IFI44L: variants seen among roughly 807,000 people sequenced by gnomAD.
The protein encoded by IFI44L is interferon induced protein 44 like.
IFI44L carries 40 observed loss-of-function variants against 39.3 expected under a neutral mutation model. The ratio of observed to expected loss-of-function variants is 1.02; its 90% CI spans 0.79 to 1.33. IFI44L has a LOEUF of 1.33. IFI44L is among the 40% of genes most tolerant of loss of function. IFI44L has a pLI of 0.00. For missense variants in IFI44L, 623 were observed against 549.0 expected (o/e 1.13, Z -1.35); for synonymous variants, 198 against 182.3 (o/e 1.09, Z -0.69).
rs1646997642 is a variant in IFI44L, at chr1:78,642,408, A to G, written c.*599A>G. On this transcript the variant is annotated 3_prime_UTR_variant, in exon 9 of 9. Transcript: ENST00000370751. ...GCAAAAAAAAAAAAAAAAAATAAGAAAGAACAAAACAAACCCCACAAAAAT... is the reference window on the plus strand; with the variant it reads ...GCAAAAAAAAAAAAAAAAAATAAGAGAGAACAAAACAAACCCCACAAAAAT... 1 of 151,468 alleles carries G rather than the reference A, an allele frequency of 6.6e-6. No individual in the cohort carries two copies. The highest frequency in any genetic ancestry group is 2.4e-5 in the African/African-American group (1 of 41,210). The allele number at this position is 151,468 out of a possible 1,614,324, so 9.4% of individuals were successfully genotyped here. A position where few individuals can be genotyped will look rare whatever the true frequency, so the allele number is the denominator to read the frequency against.
intron 3 of IFI44L, among the ~76,000 whole-genome samples, chr1:78,629,354 G>T (rs1652653116): frequency 6.6e-6 from 1 of 152,000 alleles, no homozygotes; most frequent in African/African-American, 2.4e-5. Flanking sequence ...TAGCTACATT[G>T]CATATATTTT....
intron 4 of IFI44L, among the ~76,000 whole-genome samples, chr1:78,632,722 T>G (rs1652799258): frequency 6.6e-6 from 1 of 152,198 alleles, no homozygotes; most frequent in Non-Finnish European, 1.5e-5. Flanking sequence ...AGGCCATATT[T>G]TCTTCACATA....
chr1:78,632,686 C>A, intron 4 of IFI44L, among the ~76,000 whole-genome samples: 1 of 152,186 alleles, frequency 6.6e-6, no homozygotes, highest in East Asian at 1.9e-4. Context: ...ATATTACCTC[C>A]TTTTCATATT....
intron 1 of IFI44L, among the ~76,000 whole-genome samples, chr1:78,621,311 G>T (rs368607307): frequency 1.3e-5 from 2 of 152,034 alleles, no homozygotes; most frequent in East Asian, 3.9e-4. Flanking sequence ...TCACTCTATT[G>T]CCCAGGCTGG....
chr1:78,637,584 T>G (rs1474787436), intron 6 of IFI44L, among the ~76,000 whole-genome samples: 3 of 152,142 alleles, frequency 2.0e-5, no homozygotes, highest in Non-Finnish European at 4.4e-5. Flanking sequence ...AACCAAATAT[T>G]ACATCACTTT....
Position 78,635,505 on chromosome 1 carries a change from T to C in IFI44L, c.876+16T>C, listed in dbSNP as rs961358206. The C allele has an allele frequency of 1.9e-6, 3 of 1,600,006 alleles. No individual in the cohort carries two copies. The highest frequency in any genetic ancestry group is 1.8e-5 in the Admixed American group (1 of 56,410). ...CAGATATCAGGTAAGATTTCTTCAA[T>C]ATCCAAAACATTTCAAATCATTTTC... On this transcript the variant is annotated intron_variant, in intron 5 of 8. Coordinates refer to ENST00000370751, the MANE Select transcript of IFI44L (RefSeq NM_006820.4).
At chr1:78,641,372 A>T in intron 7 of IFI44L, 63 bp from the exon 8 acceptor site, 3 of 1,462,992 alleles carry the variant, frequency 2.1e-6, no homozygotes, top group Non-Finnish European at 2.8e-6. Flanking sequence ...AATTGTATTT[A>T]AAATTGGTCA....
At chr1:78,622,279 A>T (rs1465673308) in intron 1 of IFI44L, among the ~76,000 whole-genome samples, 1 of 152,118 alleles carries the variant, frequency 6.6e-6, no homozygotes, top group Non-Finnish European at 1.5e-5. Flanking sequence ...TTTATAGCTA[A>T]ATAGTATTCC....
rs377166639 is a variant in IFI44L at position 78,641,603 on chromosome 1, G to A, written c.1318G>A (p.Glu440Lys). The A allele has an allele frequency of 6.2e-6, 10 of 1,613,262 alleles. No individual in the cohort carries two copies. The African/African-American group carries it at 1.1e-4, about 17-fold the overall frequency. ...DDFLEDLPLE[E>K]TGAIERALQP... ...TTTTTTAGAAGATTTGCCTCTTGAG[G>A]AAACTGGTAATCTGGCCCTTTTCTC... Residue 440 changes from glutamate to lysine, a missense_variant, in exon 8 of 9, where the codon GAA becomes AAA. By Grantham distance (56) the Glu-to-Lys change is moderately conservative. Transcript: ENST00000370751.
rs1301010868 is a variant in IFI44L, at chr1:78,643,325, G to A, written c.*1516G>A. 1 of 152,006 alleles carries A rather than the reference G, an allele frequency of 6.6e-6. No individual in the cohort carries two copies. Among genetic ancestry groups the A allele is most frequent in the Non-Finnish European group, 1.5e-5 (1 of 68,006 alleles). 9.4% of individuals were successfully genotyped at this position (152,006 alleles called of 1,614,324 possible). ...AGGTAGGCCTACAAGTAGATATTGG[G>A]AACAAAATTAGAGAGGCAACCAGAA... On this transcript the variant is annotated 3_prime_UTR_variant, in exon 9 of 9. Coordinates refer to ENST00000370751, the MANE Select transcript of IFI44L (RefSeq NM_006820.4).
At chr1:78,621,276 T>C (rs755215737) in intron 1 of IFI44L, among the ~76,000 whole-genome samples, 6 of 152,140 alleles carry the variant, frequency 3.9e-5, no homozygotes, top group Non-Finnish European at 7.4e-5. Context: ...CTCTACTATA[T>C]ATTGTTTTCT....
In IFI44L at chr1:78,642,336, A is replaced by G. The variant is rs1646996451; in HGVS notation, c.*527A>G. The G allele has an allele frequency of 6.6e-6, 1 of 151,292 alleles. No homozygotes were observed. The highest frequency in any genetic ancestry group is 2.4e-5 in the African/African-American group (1 of 41,064). The allele number at this position is 151,292 out of a possible 1,614,324, so 9.4% of individuals were successfully genotyped here. A position where few individuals can be genotyped will look rare whatever the true frequency, so the allele number is the denominator to read the frequency against. Reference sequence around the variant, plus strand: ...ATTCACTTTAAATTTTTCTGTATATAGAAAGGAAAACTAGCCTGGGCAACA... The same window carrying G: ...ATTCACTTTAAATTTTTCTGTATATGGAAAGGAAAACTAGCCTGGGCAACA... On this transcript the variant is annotated 3_prime_UTR_variant, in exon 9 of 9. Coordinates refer to ENST00000370751, the MANE Select transcript of IFI44L (RefSeq NM_006820.4).
chr1:78,621,784 A>T (rs960782040), intron 1 of IFI44L, among the ~76,000 whole-genome samples: 3 of 151,892 alleles, frequency 2.0e-5, no homozygotes, highest in Non-Finnish European at 4.4e-5. Context: ...TAATATACTT[A>T]TATTAATTTT....
chr1:78,628,979 G>A lies in IFI44L; in HGVS notation c.507G>A (p.Lys169=), dbSNP rs1652612807. The A allele has an allele frequency of 6.3e-7, 1 of 1,579,120 alleles. No individual in the cohort carries two copies. Among genetic ancestry groups the A allele is most frequent in the Non-Finnish European group, 8.7e-7 (1 of 1,148,704 alleles). Residue 169 remains lysine, a synonymous_variant, in exon 3 of 9, where the codon AAG becomes AAA. Transcript: ENST00000370751. ...EGIKDNLDDI[K]RIIKAREHRN... ...TTAAGGATAACCTAGACGACATAAA[G>A]AGGATAATTAAAGCCAGAGAGTAAG...
At chr1:78,622,917 A>G (rs1652329974) in intron 1 of IFI44L, among the ~76,000 whole-genome samples, 1 of 152,238 alleles carries the variant, frequency 6.6e-6, no homozygotes, top group Non-Finnish European at 1.5e-5. Flanking sequence ...TCGCACTTTG[A>G]TAACTGCCTC....
chr1:78,628,741 G>C, intron 2 of IFI44L: 1 of 551,456 alleles, frequency 1.8e-6, no homozygotes, highest in Middle Eastern at 3.9e-4. Context: ...ACTTCTAGGT[G>C]TAATTATGTG....
At chr1:78,634,395 G>A (rs977997263) in intron 4 of IFI44L, among the ~76,000 whole-genome samples, 8 of 152,080 alleles carry the variant, frequency 5.3e-5, no homozygotes, top group African/African-American at 1.9e-4. Context: ...AACTCTGCAG[G>A]CCAAGAGAGT....
intron 5 of IFI44L, 65 bp from the exon 6 acceptor site, chr1:78,636,967 T>A: frequency 1.6e-6 from 2 of 1,218,630 alleles, no homozygotes; most frequent in South Asian, 2.6e-5. Context: ...AAGCATTAAT[T>A]GTGTCTTTAA....
At chr1:78,641,325 A>G in intron 7 of IFI44L, 110 bp from the exon 8 acceptor site, 1 of 1,017,364 alleles carries the variant, frequency 9.8e-7, no homozygotes, top group South Asian at 1.6e-5. Flanking sequence ...TTCCGAAGAT[A>G]ACTTATTAAG....
Sources: allele counts gnomAD v4.1 joint callset (sites outside exome capture counted in the v4.1 genomes callset), GRCh38; gene constraint gnomAD v4.1.1; transcripts MANE v1.5; gene names NCBI Gene and HGNC (gene_info 2026-07-23, HGNC 2026-07-21).